SLC24A4: variants seen among roughly 807,000 people sequenced by gnomAD.
The protein encoded by SLC24A4 is sodium/potassium/calcium exchanger 4.
Under a neutral mutation model 79.0 loss-of-function variants are expected in SLC24A4, and 53 were observed. The observed-to-expected ratio is 0.67, with a 90% CI of 0.54 to 0.84. The LOEUF (loss-of-function observed/expected upper bound fraction) is 0.84. Among genes scored for constraint, SLC24A4 ranks in the 40% least tolerant of loss-of-function variants. The pLI is 0.00. For synonymous variants in SLC24A4, 323 were observed against 323.8 expected, an observed-to-expected ratio of 1.00 and a Z score of 0.03; for missense variants, 731 against 822.0, an observed-to-expected ratio of 0.89 and a Z score of 1.35.
At chr14:92,487,132 C>A (rs1028295127) in intron 14 of SLC24A4, among the ~76,000 whole-genome samples, 1 of 152,184 alleles carries the variant, frequency 6.6e-6, no homozygotes, top group African/African-American at 2.4e-5. Context: ...CCCAGAAAGG[C>A]AAAGCACTGG....
chr14:92,338,702 C>G (rs1038457727), intron 2 of SLC24A4, among the ~76,000 whole-genome samples: 5 of 152,142 alleles, frequency 3.3e-5, no homozygotes, highest in African/African-American at 1.2e-4. Context: ...TATCTGTTTA[C>G]TAAAATAAAT....
At chr14:92,352,787 G>A (rs1478196437) in intron 2 of SLC24A4, among the ~76,000 whole-genome samples, 2 of 152,172 alleles carry the variant, frequency 1.3e-5, no homozygotes, top group African/African-American at 4.8e-5. Flanking sequence ...TACTTATATC[G>A]GGGTGAGAGC....
intron 12 of SLC24A4, among the ~76,000 whole-genome samples, chr14:92,458,963 GA>G (rs1289688735): frequency 6.6e-6 from 1 of 152,160 alleles, no homozygotes; most frequent in Non-Finnish European, 1.5e-5. Context: ...TTGCTGTCTG[GA>G]GAGTTCTATG....
chr14:92,419,937 G>A (rs866136553), intron 2 of SLC24A4, among the ~76,000 whole-genome samples: 1 of 152,192 alleles, frequency 6.6e-6, no homozygotes. Context: ...ATGAAGGTGA[G>A]CTCTAAATTC....
intron 2 of SLC24A4, among the ~76,000 whole-genome samples, chr14:92,382,120 A>G (rs1445278373): frequency 1.3e-5 from 2 of 152,102 alleles, no homozygotes; most frequent in African/African-American, 4.8e-5. Context: ...ACACACACAC[A>G]CATAAATCTA....
At chr14:92,436,683 T>C (rs1485052386) in intron 3 of SLC24A4, among the ~76,000 whole-genome samples, 3 of 152,236 alleles carry the variant, frequency 2.0e-5, no homozygotes, top group Non-Finnish European at 4.4e-5. Flanking sequence ...GGGCCAGTTT[T>C]GCCTGCAGTG....
chr14:92,372,659 G>A (rs572823922), intron 2 of SLC24A4, among the ~76,000 whole-genome samples: 6 of 152,258 alleles, frequency 3.9e-5, no homozygotes, highest in African/African-American at 4.8e-5. Flanking sequence ...ATGTGCCTGC[G>A]TTTCCAGAAT....
intron 2 of SLC24A4, among the ~76,000 whole-genome samples, chr14:92,417,436 A>G (rs745549293): frequency 1.3e-5 from 2 of 152,252 alleles, no homozygotes; most frequent in Non-Finnish European, 2.9e-5. Context: ...GTGCTATTAA[A>G]AGAGTCAAAA....
intron 2 of SLC24A4, among the ~76,000 whole-genome samples, chr14:92,374,694 TTTTATA>T (rs1731093807): frequency 6.6e-6 from 1 of 152,222 alleles, no homozygotes; most frequent in Non-Finnish European, 1.5e-5. Context: ...GGAGTCTGAA[TTTTATA>T]TTTGTGCCCT....
In SLC24A4 at chr14:92,443,492, C is replaced by T. The variant is rs1003182569; in HGVS notation, c.657+18C>T. 1 of 1,613,840 alleles carries T rather than the reference C, an allele frequency of 6.2e-7. No individual in the cohort carries two copies. Among genetic ancestry groups the T allele is most frequent in the East Asian group, 2.2e-5 (1 of 44,868 alleles). ...TCATCGTGGTGAGTTGCCCCTCTGC[C>T]CCCAAGGTCAGGTTGGCTGGGACCC... On this transcript the variant is annotated intron_variant, in intron 7 of 16. Transcript: ENST00000532405.
chr14:92,492,054 A>C (rs2402168), intron 15 of SLC24A4, 121 bp from the exon 16 acceptor site: 1 of 886,184 alleles, frequency 1.1e-6, no homozygotes, highest in Admixed American at 2.1e-5. Flanking sequence ...CCATGTGGTC[A>C]CCTGTAAACA....
intron 2 of SLC24A4, among the ~76,000 whole-genome samples, chr14:92,425,495 G>T (rs1166013208): frequency 1.3e-5 from 2 of 152,204 alleles, no homozygotes; most frequent in East Asian, 3.8e-4. Flanking sequence ...TGGGCCAATT[G>T]CTGCAGAGGC....
chr14:92,349,032 A>G (rs2141637777), intron 2 of SLC24A4, among the ~76,000 whole-genome samples: 1 of 152,208 alleles, frequency 6.6e-6, no homozygotes, highest in East Asian at 1.9e-4. Flanking sequence ...CATAAGATAA[A>G]CCTTCACAAA....
At chr14:92,418,669 G>T (rs1260911815) in intron 2 of SLC24A4, among the ~76,000 whole-genome samples, 1 of 152,058 alleles carries the variant, frequency 6.6e-6, no homozygotes, top group Admixed American at 6.6e-5. Context: ...AGTTGTTGTT[G>T]TTTTGTTGTT....
At chr14:92,468,754 A>G (rs1245037658) in intron 12 of SLC24A4, among the ~76,000 whole-genome samples, 1 of 152,240 alleles carries the variant, frequency 6.6e-6, no homozygotes, top group African/African-American at 2.4e-5. Context: ...AGTTAACTCA[A>G]TATGAAACAA....
Position 92,493,738 on chromosome 14 carries a change from G to T in SLC24A4, c.*110G>T. ...TCTCCTGCATAGGCAGCCACTGTCCGTTCTTTCACACACTGGAAGGAAGAG... is the reference window on the plus strand; with the variant it reads ...TCTCCTGCATAGGCAGCCACTGTCCTTTCTTTCACACACTGGAAGGAAGAG... On this transcript the variant is annotated 3_prime_UTR_variant, in exon 17 of 17. Transcript: ENST00000532405. 2.2e-5 allele frequency: 28 copies of T among 1,264,366 alleles called. No individual in the cohort carries two copies. The highest frequency in any genetic ancestry group is 2.9e-5 in the Non-Finnish European group (27 of 918,910). The allele number at this position is 1,264,366 out of a possible 1,614,324, so 78.3% of individuals were successfully genotyped here.
chr14:92,385,957 G>A (rs1309617998), intron 2 of SLC24A4, among the ~76,000 whole-genome samples: 1 of 152,190 alleles, frequency 6.6e-6, no homozygotes, highest in African/African-American at 2.4e-5. Context: ...CAGTTATGGA[G>A]GAGGAAGAGT....
At chr14:92,336,233 G>A (rs1253242892) in intron 2 of SLC24A4, among the ~76,000 whole-genome samples, 2 of 152,222 alleles carry the variant, frequency 1.3e-5, no homozygotes, top group Admixed American at 6.5e-5. Context: ...AGATCCAGCC[G>A]TTGGACGTAA....
Position 92,490,229 on chromosome 14 carries a change from C to CA in SLC24A4, c.1538-1431dup, listed in dbSNP as rs142294044. On this transcript the variant is annotated intron_variant, in intron 14 of 16. Coordinates refer to ENST00000532405, the MANE Select transcript of SLC24A4 (RefSeq NM_153646.4). The surrounding 1 kb of genome is among the most constrained non-coding windows in gnomAD (Gnocchi z 4.3). ...ATGTGCGTTTCAGGTTTGTTCATTCCAAAAACATGTGTATGTGTGCCAGGT... is the reference window on the plus strand; with the variant it reads ...ATGTGCGTTTCAGGTTTGTTCATTCCAAAAAACATGTGTATGTGTGCCAGGT... Among the ~76,000 whole-genome samples the CA allele has an allele frequency of 2.7e-3, 404 of 152,320 alleles. 7 individuals are homozygous for CA. The highest frequency in any genetic ancestry group is 8.5e-3 in the African/African-American group (353 of 41,558).
Sources: allele counts gnomAD v4.1 joint callset (sites outside exome capture counted in the v4.1 genomes callset), GRCh38; gene constraint gnomAD v4.1.1; non-coding constraint Gnocchi (gnomAD v3.1); transcripts MANE v1.5; gene names NCBI Gene and HGNC (gene_info 2026-07-23, HGNC 2026-07-21).